Variants in CIRBP observed in about 807,000 individuals in gnomAD.
The protein encoded by CIRBP is cold-inducible RNA-binding protein.
Under a neutral mutation model 22.3 loss-of-function variants are expected in CIRBP, and 11 were observed. The observed-to-expected ratio is 0.49, with a 90% CI of 0.31 to 0.82. CIRBP has a LOEUF of 0.82. Among genes scored for constraint, CIRBP ranks in the 40% least tolerant of loss-of-function variants. CIRBP has a pLI of 0.05. For missense variants in CIRBP, 456 were observed against 402.7 expected, an observed-to-expected ratio of 1.13 and a Z score of -1.13; for synonymous variants, 216 against 158.8, an observed-to-expected ratio of 1.36 and a Z score of -2.71.
intron 3 of CIRBP, 40 bp downstream of exon 3, chr19:1,271,286 A>G (rs1477073971): frequency 1.2e-6 from 2 of 1,613,936 alleles, no homozygotes; most frequent in Non-Finnish European, 1.7e-6. Context: ...CGTCTCGAGG[A>G]TGGGGCACCC....
chr19:1,270,087 C>T (rs752403244), intron 1 of CIRBP: 12 of 516,054 alleles, frequency 2.3e-5, no homozygotes, highest in Non-Finnish European at 4.7e-5. Context: ...AGCCAGTTCT[C>T]CTAAATGCCA....
chr19:1,270,236 C>A (rs1055382561), intron 1 of CIRBP: 1 of 395,734 alleles, frequency 2.5e-6, no homozygotes. Flanking sequence ...CAGCCAGCCC[C>A]CCCCCCAGTC....
chr19:1,269,380 C>T lies in CIRBP; in HGVS notation c.-37C>T, dbSNP rs1305364714. On this transcript the variant is annotated 5_prime_UTR_variant, in exon 1 of 6. Coordinates refer to ENST00000587896, the MANE Select transcript of CIRBP (RefSeq NM_001300829.2). Reference sequence around the variant, plus strand: ...GGGTCGTTGTGGTGCGCTGTCTTCCCGCTTGCGTCAGGGACCTGCCCGACT... The same window carrying T: ...GGGTCGTTGTGGTGCGCTGTCTTCCTGCTTGCGTCAGGGACCTGCCCGACT... 1.3e-5 allele frequency: 2 copies of T among 152,112 alleles called. No individual in the cohort carries two copies. Among genetic ancestry groups the T allele is most frequent in the Non-Finnish European group, 2.9e-5 (2 of 67,966 alleles). The allele number at this position is 152,112 out of a possible 1,614,324, so 9.4% of individuals were successfully genotyped here.
At position 1,271,605 on chromosome 19, in the gene CIRBP, A is replaced by T. The variant is rs918680675; in HGVS notation, c.404A>T (p.Tyr135Phe). ...CGGTTCGAGTCCAGGAGTGGGGGCTACGGAGGCTCCAGAGACTACTATAGC... is the reference window on the plus strand; with the variant it reads ...CGGTTCGAGTCCAGGAGTGGGGGCTTCGGAGGCTCCAGAGACTACTATAGC... ...GNRFESRSGG[Y>F]GGSRDYYSSR... The change falls in exon 5 of 6, where the codon TAC becomes TTC. Residue 135 changes from tyrosine to phenylalanine, a missense_variant. Physicochemically the swap from Tyr to Phe is conservative, Grantham distance 22 (BLOSUM62 3). This residue lies in a region of CIRBP where 426 missense variants were observed against 339.6 expected (regional missense o/e 1.25). Transcript: ENST00000587896. 6.4e-7 allele frequency: 1 copy of T among 1,558,678 alleles called. No individual in the cohort carries two copies. The highest frequency in any genetic ancestry group is 1.4e-5 in the African/African-American group (1 of 72,270).
chr19:1,269,446 G>C (rs1600012322), intron 1 of CIRBP, 36 bp downstream of exon 1: 2 of 151,810 alleles, frequency 1.3e-5, no homozygotes, highest in Admixed American at 1.3e-4. Context: ...CGAGGAGCTC[G>C]GGGCGGCGGG....
rs2081395667 is a variant in CIRBP, at chr19:1,274,798, G to A, written c.*2355G>A. 6.5e-6 allele frequency: 1 copy of A among 153,398 alleles called. No individual in the cohort carries two copies. The allele number at this position is 153,398 out of a possible 1,614,324, so 9.5% of individuals were successfully genotyped here. ...GTCGGATTCGAATAAAGGGCCACGT[G>A]TGCACCCAGAAAGCCGAGTCTGTGG... is the stretch of plus-strand genomic sequence containing the variant. On this transcript the variant is annotated 3_prime_UTR_variant, in exon 6 of 6. Transcript: ENST00000587896.
chr19:1,271,458 T>G lies in CIRBP; in HGVS notation c.340T>G (p.Phe114Val). The part of the protein sequence containing the change: ...FRGGRGRGRG[F>V]SRGGGDRGYG... ...TGGGGGCCGAGGACGGGGCCGTGGGTTCTCTAGAGGTGAGTGCCATGAGTG... is the reference window on the plus strand; with the variant it reads ...TGGGGGCCGAGGACGGGGCCGTGGGGTCTCTAGAGGTGAGTGCCATGAGTG... The change falls in exon 4 of 6, where the codon TTC becomes GTC. Residue 114 changes from phenylalanine to valine, a missense_variant. Physicochemically the swap from Phe to Val is conservative, Grantham distance 50 (BLOSUM62 -1). This residue lies in a region of CIRBP where 426 missense variants were observed against 339.6 expected (regional missense o/e 1.25). Coordinates refer to ENST00000587896, the MANE Select transcript of CIRBP (RefSeq NM_001300829.2). The G allele has an allele frequency of 6.2e-7, 1 of 1,609,108 alleles. No individual in the cohort carries two copies. The highest frequency in any genetic ancestry group is 8.5e-7 in the Non-Finnish European group (1 of 1,177,626).
Position 1,274,198 on chromosome 19 carries a change from G to T in CIRBP, c.*1755G>T. On this transcript the variant is annotated 3_prime_UTR_variant, in exon 6 of 6. Coordinates refer to ENST00000587896, the MANE Select transcript of CIRBP (RefSeq NM_001300829.2). ...ACGGAGCCTGAGGTCACAGCCCCCT[G>T]ACTAGCCTGAGACCTTCCTAGGGGC... 1 of 398,682 alleles carries T rather than the reference G, an allele frequency of 2.5e-6. No homozygotes were observed. The highest frequency in any genetic ancestry group is 1.3e-4 in the South Asian group (1 of 7,608). 24.7% of individuals were successfully genotyped at this position (398,682 alleles called of 1,614,324 possible). A position where few individuals can be genotyped will look rare whatever the true frequency, so the allele number is the denominator to read the frequency against.
chr19:1,271,676 G>T (rs751161987), intron 5 of CIRBP, 44 bp downstream of exon 5: 4 of 1,240,696 alleles, frequency 3.2e-6, no homozygotes, highest in Non-Finnish European at 3.4e-6. Flanking sequence ...TTGCGGGATG[G>T]CCAGCTTCCG....
rs1246960833 is a variant in CIRBP, at chr19:1,274,569, G to A, written c.*2126G>A. On this transcript the variant is annotated 3_prime_UTR_variant, in exon 6 of 6. Coordinates refer to ENST00000587896, the MANE Select transcript of CIRBP (RefSeq NM_001300829.2). ...GGGCGCCTTTCGGTGTGTGTTGGGT[G>A]CAGGGCAGCGCCTCCCGGGAGCGCC... 5.7e-6 allele frequency: 2 copies of A among 348,410 alleles called. No individual in the cohort carries two copies. Among genetic ancestry groups the A allele is most frequent in the Non-Finnish European group, 1.0e-5 (2 of 194,482 alleles). 21.6% of individuals were successfully genotyped at this position (348,410 alleles called of 1,614,324 possible).
rs1346493132 is a variant in CIRBP at position 1,274,215 on chromosome 19, C to A, written c.*1772C>A. 1 of 399,856 alleles carries A rather than the reference C, an allele frequency of 2.5e-6. No individual in the cohort carries two copies. The highest frequency in any genetic ancestry group is 4.4e-6 in the Non-Finnish European group (1 of 225,922). The allele number at this position is 399,856 out of a possible 1,614,324, so 24.8% of individuals were successfully genotyped here. A position where few individuals can be genotyped will look rare whatever the true frequency, so the allele number is the denominator to read the frequency against. ...AGCCCCCTGACTAGCCTGAGACCTT[C>A]CTAGGGGCTGTGGCTGTTTCCGGGG... On this transcript the variant is annotated 3_prime_UTR_variant, in exon 6 of 6. Coordinates refer to ENST00000587896, the MANE Select transcript of CIRBP (RefSeq NM_001300829.2).
At chr19:1,270,024 A>T (rs566643827) in intron 1 of CIRBP, 1 of 519,798 alleles carries the variant, frequency 1.9e-6, no homozygotes, top group Non-Finnish European at 3.8e-6. Flanking sequence ...GGTGGCGGCC[A>T]TTCCCAGCCA....
rs2081363153 is a variant in CIRBP at position 1,272,685 on chromosome 19, C to T, written c.*242C>T. 2.5e-6 allele frequency: 1 copy of T among 395,206 alleles called. No individual in the cohort carries two copies. The highest frequency in any genetic ancestry group is 4.5e-6 in the Non-Finnish European group (1 of 221,396). 24.5% of individuals were successfully genotyped at this position (395,206 alleles called of 1,614,324 possible). A position where few individuals can be genotyped will look rare whatever the true frequency, so the allele number is the denominator to read the frequency against. ...AGGGTTTTCAAAACATTTTGAAAAGCATTTACTTTTTTGACCACGAGCCAT... is the reference window on the plus strand; with the variant it reads ...AGGGTTTTCAAAACATTTTGAAAAGTATTTACTTTTTTGACCACGAGCCAT... On this transcript the variant is annotated 3_prime_UTR_variant, in exon 6 of 6. Transcript: ENST00000587896.
At chr19:1,270,128 C>T (rs2081313017) in intron 1 of CIRBP, 1 of 517,290 alleles carries the variant, frequency 1.9e-6, no homozygotes, top group African/African-American at 1.9e-5. Context: ...TGCCTTATCA[C>T]TTCCGGGGCC....
At position 1,272,284 on chromosome 19, in the gene CIRBP, C is replaced by T; in HGVS notation, c.735C>T (p.Cys245=). 2 of 1,612,962 alleles carry T rather than the reference C, an allele frequency of 1.2e-6. No individual in the cohort carries two copies. Among genetic ancestry groups the T allele is most frequent in the Non-Finnish European group, 1.7e-6 (2 of 1,179,714 alleles). The change falls in exon 6 of 6, where the codon TGC becomes TGT. Residue 245 remains cysteine, a synonymous_variant. Transcript: ENST00000587896. ...ERGPAGQSAR[C]MCGRRPASLG... ...GGCCCGCTGGGCAGTCAGCTAGGTG[C>T]ATGTGTGGCCGCAGGCCAGCCTCCC...
chr19:1,270,516 C>T (rs961062396), intron 1 of CIRBP, among the ~76,000 whole-genome samples: 38 of 152,178 alleles, frequency 2.5e-4, no homozygotes, highest in African/African-American at 8.9e-4. Flanking sequence ...ACCTGTAATC[C>T]CAAAACTTTG....
At chr19:1,271,074 G>A (rs760895739) in intron 2 of CIRBP, 38 bp downstream of exon 2, 8 of 1,609,504 alleles carry the variant, frequency 5.0e-6, no homozygotes, top group African/African-American at 2.7e-5. Flanking sequence ...TGGGCGGGGG[G>A]GCTTGTGCTC....
chr19:1,271,167 A>G lies in CIRBP; in HGVS notation c.131A>G (p.Gln44Arg). ...EVVVVKDRETQRSRGFGFVTF... is the reference protein window; with the variant it reads ...EVVVVKDRETRRSRGFGFVTF... ...GTGGTTGTGAAAGACAGGGAGACCCAGAGATCTCGGGGATTTGGGTTTGTC... is the reference window on the plus strand; with the variant it reads ...GTGGTTGTGAAAGACAGGGAGACCCGGAGATCTCGGGGATTTGGGTTTGTC... The change falls in exon 3 of 6, where the codon CAG becomes CGG. Residue 44 changes from glutamine (Q) to arginine (R), a missense_variant. By Grantham distance (43) the Gln-to-Arg change is conservative. Around this residue, in one of 2 missense-constraint regions of CIRBP, gnomAD observed 30 missense variants for 63.1 expected, o/e 0.48. Transcript: ENST00000587896. 1 of 1,613,948 alleles carries G rather than the reference A, an allele frequency of 6.2e-7. No individual in the cohort carries two copies. Among genetic ancestry groups the G allele is most frequent in the Non-Finnish European group, 8.5e-7 (1 of 1,179,922 alleles).
chr19:1,269,706 G>A (rs140070636), intron 1 of CIRBP: 2 of 352,094 alleles, frequency 5.7e-6, no homozygotes, highest in South Asian at 2.1e-5. Context: ...AGTGGCGCAG[G>A]GTGCGCGCGG....
Sources: gnomAD v4.1 joint callset for allele counts (sites outside exome capture counted in the v4.1 genomes callset) on GRCh38, gnomAD v4.1.1 for gene constraint, gnomAD v4.1.1 regional missense constraint, MANE v1.5 for transcripts, NCBI Gene and HGNC (gene_info 2026-07-23, HGNC 2026-07-21) for gene names.